Variants in GPD2 observed in about 807,000 individuals in gnomAD.
The protein encoded by GPD2 is glycerol-3-phosphate dehydrogenase, mitochondrial.
Under a neutral mutation model 82.4 loss-of-function variants are expected in GPD2, and 54 were observed. The observed-to-expected ratio is 0.66, with a 90% CI of 0.53 to 0.82. The LOEUF is 0.82. Among genes scored for constraint, GPD2 ranks in the 40% least tolerant of loss-of-function variants. The pLI is 0.00. For synonymous variants in GPD2, 288 were observed against 306.1 expected (o/e 0.94, Z 0.62); for missense variants, 748 against 896.2 (o/e 0.83, Z 2.11).
At chr2:156,401,092 G>A in the GPD2 span, among the ~76,000 whole-genome samples, 2 of 152,120 alleles carry the variant, frequency 1.3e-5, no homozygotes, top group Non-Finnish European at 2.9e-5. Flanking sequence ...CCCTGTTATT[G>A]AACTTTGAGG....
intron 8 of GPD2, among the ~76,000 whole-genome samples, chr2:156,557,057 A>T (rs1163233564): frequency 6.6e-6 from 1 of 152,218 alleles, no homozygotes. Flanking sequence ...TGCTGACATT[A>T]TCTGATGTGA....
chr2:156,481,910 G>T (rs1683747510), intron 2 of GPD2, among the ~76,000 whole-genome samples: 1 of 152,096 alleles, frequency 6.6e-6, no homozygotes, highest in Non-Finnish European at 1.5e-5. Context: ...AGCTAGTTCT[G>T]TATCTTTATA....
In GPD2 at chr2:156,557,513, A is replaced by T; in HGVS notation, c.1096A>T (p.Ile366Phe). Residue 366 changes from isoleucine (I) to phenylalanine (F), a missense_variant, in exon 9 of 17, where the codon ATT becomes TTT. Physicochemically the swap from Ile to Phe is conservative, Grantham distance 21. This residue lies in a region of GPD2 where 692 missense variants were observed against 809.7 expected (regional missense o/e 0.85). Coordinates refer to ENST00000438166, the MANE Select transcript of GPD2 (RefSeq NM_000408.5). ...TCCAACTGATGTTACACACCATCCA[A>T]TTCCTTCAGAAGAAGATATCAACTT... ...DTPTDVTHHP[I>F]PSEEDINFIL... 6.3e-7 allele frequency: 1 copy of T among 1,599,640 alleles called. No individual in the cohort carries two copies. Among genetic ancestry groups the T allele is most frequent in the South Asian group, 1.1e-5 (1 of 90,770 alleles).
intron 1 of GPD2, 136 bp from the exon 2 acceptor site, chr2:156,475,962 G>C: frequency 1.6e-6 from 1 of 633,384 alleles, no homozygotes; most frequent in Middle Eastern, 4.3e-4. Flanking sequence ...ACATTGGTTT[G>C]TTAGTAATTT....
the GPD2 span, among the ~76,000 whole-genome samples, chr2:156,425,370 C>G: frequency 1.2e-4 from 18 of 152,128 alleles, no homozygotes; most frequent in Non-Finnish European, 2.6e-4. Flanking sequence ...AGCCACCATG[C>G]CTGACCTGCA....
At chr2:156,528,432 T>A (rs1573965364) in intron 6 of GPD2, among the ~76,000 whole-genome samples, 1 of 151,338 alleles carries the variant, frequency 6.6e-6, no homozygotes, top group East Asian at 1.9e-4. Context: ...TATTTATTTA[T>A]TTATTTATTT....
intron 3 of GPD2, among the ~76,000 whole-genome samples, chr2:156,506,816 C>T (rs116224153): frequency 0.047 from 7,081 of 152,170 alleles, 240 homozygotes; most frequent in Middle Eastern, 0.088. Flanking sequence ...CAGCTGAAAA[C>T]ATTTTGATAG....
At chr2:156,485,404 G>T (rs1263989890) in intron 2 of GPD2, among the ~76,000 whole-genome samples, 1 of 152,202 alleles carries the variant, frequency 6.6e-6, no homozygotes, top group Non-Finnish European at 1.5e-5. Context: ...TTGATGATCT[G>T]TCCTTCTGAG....
At chr2:156,511,606 G>A (rs923214755) in intron 4 of GPD2, among the ~76,000 whole-genome samples, 1 of 152,104 alleles carries the variant, frequency 6.6e-6, no homozygotes, top group Admixed American at 6.5e-5. Context: ...TCATGATGGA[G>A]GCAAAGAAAA....
rs367822878 is a variant in GPD2, at chr2:156,510,837, G to C, written c.316G>C (p.Gly106Arg). Reference protein sequence around the residue: ...ALVERDDFSSGTSSRSTKLIH... With the variant: ...ALVERDDFSSRTSSRSTKLIH... ...TGTAGAAAGAGATGATTTCTCATCA[G>C]GGACCAGCAGCAGAAGCACTAAATT... Residue 106 changes from glycine to arginine, a missense_variant, in exon 4 of 17, where the codon GGG becomes CGG. Physicochemically the swap from Gly to Arg is moderately radical, Grantham distance 125. Transcript: ENST00000438166. 1 of 1,612,918 alleles carries C rather than the reference G, an allele frequency of 6.2e-7. No individual in the cohort carries two copies. Among genetic ancestry groups the C allele is most frequent in the African/African-American group, 1.3e-5 (1 of 74,890 alleles).
chr2:156,514,459 C>T (rs1436547747), intron 6 of GPD2, among the ~76,000 whole-genome samples: 3 of 150,392 alleles, frequency 2.0e-5, no homozygotes, highest in Non-Finnish European at 4.4e-5. Flanking sequence ...GATATCTAAA[C>T]TCTTAGCAAG....
chr2:156,568,224 A>T (rs1687460594), intron 9 of GPD2, among the ~76,000 whole-genome samples: 1 of 152,036 alleles, frequency 6.6e-6, no homozygotes, highest in Non-Finnish European at 1.5e-5. Flanking sequence ...CTGTTTTCTG[A>T]TCTGTATGGT....
At chr2:156,425,092 T>TG in the GPD2 span, among the ~76,000 whole-genome samples, 3 of 151,502 alleles carry the variant, frequency 2.0e-5, no homozygotes, top group Non-Finnish European at 4.4e-5. Context: ...TCATTTTATT[T>TG]TTTTTTTTGT....
chr2:156,581,006 ACAG>A (rs1688006472), intron 16 of GPD2, among the ~76,000 whole-genome samples: 3 of 152,212 alleles, frequency 2.0e-5, no homozygotes, highest in Admixed American at 6.5e-5. Flanking sequence ...TTGTAAATAA[ACAG>A]CAGAATTTAG....
intron 8 of GPD2, among the ~76,000 whole-genome samples, chr2:156,552,533 T>C (rs1333789569): frequency 6.6e-6 from 1 of 152,110 alleles, no homozygotes; most frequent in Admixed American, 6.5e-5. Context: ...GTAATCATCA[T>C]ACATCTTATA....
At chr2:156,468,385 C>A (rs145452213) in intron 1 of GPD2, among the ~76,000 whole-genome samples, 2 of 152,274 alleles carry the variant, frequency 1.3e-5, no homozygotes, top group African/African-American at 4.8e-5. Flanking sequence ...GATTTGTATG[C>A]GAGTGTGAGG....
chr2:156,556,473 T>A (rs1686966095), intron 8 of GPD2, among the ~76,000 whole-genome samples: 1 of 152,196 alleles, frequency 6.6e-6, no homozygotes, highest in South Asian at 2.1e-4. Context: ...TTTTAGTGAT[T>A]TAAAAACAAA....
chr2:156,425,491 CTG>C, the GPD2 span, among the ~76,000 whole-genome samples: 1 of 152,198 alleles, frequency 6.6e-6, no homozygotes, highest in African/African-American at 2.4e-5. Flanking sequence ...TTCTTTTCTT[CTG>C]TGACAGTGTT....
intron 1 of GPD2, among the ~76,000 whole-genome samples, chr2:156,437,071 G>T (rs964395562): frequency 1.3e-5 from 2 of 152,156 alleles, no homozygotes; most frequent in African/African-American, 2.4e-5. Context: ...CTCTAGTCTG[G>T]CTTCCACCTT....
Sources: gnomAD v4.1 joint callset for allele counts (sites outside exome capture counted in the v4.1 genomes callset) on GRCh38, gnomAD v4.1.1 for gene constraint, gnomAD v4.1.1 regional missense constraint, MANE v1.5 for transcripts, NCBI Gene and HGNC (gene_info 2026-07-23, HGNC 2026-07-21) for gene names.